Variants in CA10 observed in about 807,000 individuals in gnomAD.
CA10 encodes the protein carbonic anhydrase-related protein 10.
In CA10, 14 loss-of-function variants were observed where a neutral mutation model predicts 44.2. The observed-to-expected ratio is 0.32, with a 90% CI of 0.21 to 0.50. The LOEUF (loss-of-function observed/expected upper bound fraction) is 0.50. Among genes scored for constraint, CA10 ranks in the 20% least tolerant of loss-of-function variants. The probability of loss-of-function intolerance (pLI) is 0.99; values close to 1 mark genes in which losing one functional copy is unlikely to be tolerated. For synonymous variants in CA10, 159 were observed against 141.6 expected (o/e 1.12, Z -0.87); for missense variants, 350 against 409.7 (o/e 0.85, Z 1.26).
intron 4 of CA10, among the ~76,000 whole-genome samples, chr17:51,693,944 C>T (rs1390967454): frequency 6.6e-6 from 1 of 152,172 alleles, no homozygotes; most frequent in Non-Finnish European, 1.5e-5. Flanking sequence ...GTGGCTCACA[C>T]CTGTAATTCC....
chr17:51,712,731 T>C (rs1043136508), intron 4 of CA10, among the ~76,000 whole-genome samples: 18 of 152,186 alleles, frequency 1.2e-4, no homozygotes, highest in Admixed American at 7.9e-4. Context: ...TCTTCTTAAC[T>C]AGAAAGATAG....
At chr17:52,030,959 A>T (rs1310699391) in intron 2 of CA10, among the ~76,000 whole-genome samples, 1 of 152,160 alleles carries the variant, frequency 6.6e-6, no homozygotes, top group African/African-American at 2.4e-5. Context: ...CAGGGTATCC[A>T]GCTTGAGGAT....
At chr17:52,050,509 C>T (rs1987034232) in intron 2 of CA10, among the ~76,000 whole-genome samples, 1 of 152,100 alleles carries the variant, frequency 6.6e-6, no homozygotes, top group African/African-American at 2.4e-5. Flanking sequence ...CTGGTTAACA[C>T]TCTATAATCA....
intron 4 of CA10, among the ~76,000 whole-genome samples, chr17:51,703,310 GA>G (rs1915658563): frequency 6.6e-6 from 1 of 152,034 alleles, no homozygotes; most frequent in African/African-American, 2.4e-5. Flanking sequence ...CTCCAACAAG[GA>G]AGTCAGCACA....
intron 3 of CA10, among the ~76,000 whole-genome samples, chr17:51,848,075 C>T (rs1161990241): frequency 6.6e-6 from 1 of 152,024 alleles, no homozygotes; most frequent in Non-Finnish European, 1.5e-5. Context: ...TTAAGAGGTG[C>T]CAAAATCTCA....
chr17:51,854,333 C>T (rs532858401), intron 3 of CA10, among the ~76,000 whole-genome samples: 60 of 152,260 alleles, frequency 3.9e-4, no homozygotes, highest in African/African-American at 1.3e-3. Flanking sequence ...ATACAGGAGA[C>T]CTAGGATTAG....
intron 3 of CA10, among the ~76,000 whole-genome samples, chr17:51,798,206 T>G (rs907366820): frequency 3.3e-5 from 5 of 152,240 alleles, no homozygotes; most frequent in African/African-American, 1.2e-4. Flanking sequence ...GCACATTTAT[T>G]GATCAAAAAT....
intron 4 of CA10, among the ~76,000 whole-genome samples, chr17:51,706,158 T>C (rs1251566090): frequency 6.6e-6 from 1 of 152,184 alleles, no homozygotes; most frequent in Non-Finnish European, 1.5e-5. Context: ...CATTGGGCTG[T>C]TGGAAGAAGA....
intron 2 of CA10, among the ~76,000 whole-genome samples, chr17:51,931,512 G>T (rs1982658580): frequency 1.3e-5 from 2 of 152,036 alleles, no homozygotes; most frequent in South Asian, 4.1e-4. Flanking sequence ...TTCCTATCTG[G>T]CAAGAACGAT....
chr17:51,994,716 C>CA (rs932083262), intron 2 of CA10, among the ~76,000 whole-genome samples: 2 of 152,124 alleles, frequency 1.3e-5, no homozygotes, highest in African/African-American at 4.8e-5. Context: ...ATACTCTTGT[C>CA]AGCTTGCCCT....
intron 4 of CA10, among the ~76,000 whole-genome samples, chr17:51,733,290 T>A (rs1020156197): frequency 1.3e-5 from 2 of 152,210 alleles, no homozygotes; most frequent in Non-Finnish European, 1.5e-5. Flanking sequence ...GGGAATTAGA[T>A]GAATTAAAGC....
intron 2 of CA10, among the ~76,000 whole-genome samples, chr17:52,071,917 C>T (rs566255489): frequency 2.4e-4 from 36 of 152,136 alleles, no homozygotes; most frequent in African/African-American, 7.5e-4. Flanking sequence ...ATACTTGGCG[C>T]GATGTGCTAA....
intron 3 of CA10, among the ~76,000 whole-genome samples, chr17:51,844,891 A>G (rs1501263): frequency 0.15 from 22,464 of 152,190 alleles, 3,630 homozygotes; most frequent in African/African-American, 0.41. Flanking sequence ...GACCTTATTA[A>G]GAAATAGGGT....
intron 3 of CA10, among the ~76,000 whole-genome samples, chr17:51,866,634 T>C (rs570708381): frequency 2.2e-4 from 34 of 152,326 alleles, no homozygotes; most frequent in African/African-American, 7.0e-4. Context: ...ACACTCAAGA[T>C]ACCCGCTCGA....
chr17:51,641,124 C>A lies in CA10; in HGVS notation c.635-5115G>T, dbSNP rs114797137. ...TTTGCAGAGAGGTTTCTCTACCTAT[C>A]CCCTCTTTCTCTCTCTCTCTCTCTC... On this transcript the variant is annotated intron_variant, in intron 6 of 8. Transcript: ENST00000451037. Among the ~76,000 whole-genome samples the A allele has an allele frequency of 6.6e-3, 915 of 138,236 alleles. 10 individuals carry two copies. The highest frequency in any genetic ancestry group is 0.023 in the African/African-American group (890 of 38,036). The allele number at this position is 138,236 out of a possible 152,430, so 90.7% of individuals were successfully genotyped here.
intron 6 of CA10, among the ~76,000 whole-genome samples, chr17:51,647,727 CA>C (rs2143262635): frequency 6.6e-6 from 1 of 152,136 alleles, no homozygotes; most frequent in South Asian, 2.1e-4. Flanking sequence ...CTTTTTTCAT[CA>C]AAAAAGTTAA....
intron 6 of CA10, among the ~76,000 whole-genome samples, chr17:51,645,429 C>T (rs1219387814): frequency 6.6e-6 from 1 of 152,132 alleles, no homozygotes; most frequent in Admixed American, 6.5e-5. Flanking sequence ...TCACTGTGTC[C>T]CTCTGAATGA....
chr17:51,819,120 A>C (rs943154626), intron 3 of CA10, among the ~76,000 whole-genome samples: 12 of 152,352 alleles, frequency 7.9e-5, no homozygotes, highest in Admixed American at 2.0e-4. Flanking sequence ...GAAAAACAGC[A>C]TCTTAGAAAA....
chr17:52,079,146 C>T (rs1598203544), intron 1 of CA10, among the ~76,000 whole-genome samples: 1 of 152,070 alleles, frequency 6.6e-6, no homozygotes, highest in African/African-American at 2.4e-5. Flanking sequence ...ATTAGCCGGG[C>T]GCTGTGGCGG....
Sources: gnomAD v4.1 joint callset for allele counts (sites outside exome capture counted in the v4.1 genomes callset) on GRCh38, gnomAD v4.1.1 for gene constraint, MANE v1.5 for transcripts, NCBI Gene and HGNC (gene_info 2026-07-23, HGNC 2026-07-21) for gene names.